CNTN5: variants seen among roughly 807,000 people sequenced by gnomAD.
CNTN5 encodes the protein contactin-5.
A neutral mutation model predicts 129.1 loss-of-function variants in CNTN5; 77 were observed. The observed-to-expected ratio is 0.60, with a 90% CI of 0.50 to 0.72. CNTN5 has a LOEUF of 0.72. CNTN5 is among the 30% of genes least tolerant of loss of function. The pLI is 0.00. For missense variants in CNTN5, 1,478 were observed against 1,328.8 expected (o/e 1.11, Z -1.75); for synonymous variants, 509 against 465.6 (o/e 1.09, Z -1.20).
intron 3 of CNTN5, among the ~76,000 whole-genome samples, chr11:99,714,853 G>A (rs200377760): frequency 9.4e-5 from 14 of 148,218 alleles, no homozygotes; most frequent in South Asian, 2.1e-4. Context: ...AGCTCATGTG[G>A]AAAAAAAAAA....
chr11:100,097,842 G>C (rs549084514), intron 13 of CNTN5, among the ~76,000 whole-genome samples: 1 of 152,066 alleles, frequency 6.6e-6, no homozygotes, highest in African/African-American at 2.4e-5. Flanking sequence ...AATGCATATT[G>C]TATATTGGAG....
At chr11:99,094,116 G>T (rs949496500) in intron 1 of CNTN5, among the ~76,000 whole-genome samples, 2 of 151,900 alleles carry the variant, frequency 1.3e-5, no homozygotes, top group African/African-American at 4.8e-5. Context: ...CATTAAGACT[G>T]GGTCTTTTGT....
At chr11:100,285,827 C>A (rs1950770916) in intron 18 of CNTN5, among the ~76,000 whole-genome samples, 1 of 152,188 alleles carries the variant, frequency 6.6e-6, no homozygotes, top group African/African-American at 2.4e-5. Flanking sequence ...GTGATTTCTG[C>A]ATTTCCATCT....
intron 1 of CNTN5, among the ~76,000 whole-genome samples, chr11:99,160,118 C>A (rs1196567893): frequency 1.3e-5 from 2 of 152,146 alleles, no homozygotes; most frequent in East Asian, 3.9e-4. Context: ...CTTGGTTATT[C>A]TGACGTTGAG....
chr11:99,827,260 G>C (rs1946992375), intron 4 of CNTN5, among the ~76,000 whole-genome samples: 1 of 151,934 alleles, frequency 6.6e-6, no homozygotes, highest in Non-Finnish European at 1.5e-5. Flanking sequence ...GCTAATTTTT[G>C]TGTTTTTTGG....
At chr11:99,177,713 A>G (rs1272432065) in intron 1 of CNTN5, among the ~76,000 whole-genome samples, 1 of 152,224 alleles carries the variant, frequency 6.6e-6, no homozygotes, top group African/African-American at 2.4e-5. Context: ...AAAAATGTAT[A>G]TATGAAAAGT....
At chr11:99,486,545 T>G (rs1945819956) in intron 2 of CNTN5, among the ~76,000 whole-genome samples, 1 of 152,150 alleles carries the variant, frequency 6.6e-6, no homozygotes, top group Non-Finnish European at 1.5e-5. Context: ...TAAATTAGTG[T>G]GAGTAAATGA....
intron 2 of CNTN5, among the ~76,000 whole-genome samples, chr11:99,353,114 C>T (rs951904131): frequency 6.6e-6 from 1 of 152,128 alleles, no homozygotes; most frequent in Non-Finnish European, 1.5e-5. Context: ...CCCTTTCAGA[C>T]AGGGAAATAG....
intron 13 of CNTN5, among the ~76,000 whole-genome samples, chr11:100,187,358 A>G (rs986806187): frequency 6.6e-6 from 1 of 151,700 alleles, no homozygotes; most frequent in Non-Finnish European, 1.5e-5. Flanking sequence ...TAAAATGGCC[A>G]TACTTCCCAA....
At chr11:99,148,137 A>G (rs912607002) in intron 1 of CNTN5, among the ~76,000 whole-genome samples, 8 of 152,132 alleles carry the variant, frequency 5.3e-5, no homozygotes, top group Non-Finnish European at 4.4e-5. Flanking sequence ...TTGTAAATAT[A>G]TTCATATTTG....
chr11:99,546,469 A>C (rs576321158), intron 2 of CNTN5, among the ~76,000 whole-genome samples: 8 of 152,116 alleles, frequency 5.3e-5, no homozygotes, highest in African/African-American at 1.9e-4. Flanking sequence ...AAATTGAGAG[A>C]GGAAACTTTA....
At chr11:99,116,634 A>G (rs576380759) in intron 1 of CNTN5, among the ~76,000 whole-genome samples, 16 of 152,296 alleles carry the variant, frequency 1.1e-4, no homozygotes, top group African/African-American at 3.8e-4. Flanking sequence ...ATAAAAAGAT[A>G]TTGAATGAGT....
At chr11:99,987,862 T>G (rs965050257) in intron 8 of CNTN5, among the ~76,000 whole-genome samples, 1 of 152,214 alleles carries the variant, frequency 6.6e-6, no homozygotes, top group African/African-American at 2.4e-5. Context: ...AGTTTTCTAT[T>G]ATTTAAAATA....
chr11:99,921,450 C>A (rs1949936958), intron 7 of CNTN5, among the ~76,000 whole-genome samples: 1 of 152,200 alleles, frequency 6.6e-6, no homozygotes, highest in African/African-American at 2.4e-5. Context: ...CCATATCTTT[C>A]TTTAAATATC....
At chr11:100,163,267 T>C in intron 13 of CNTN5, among the ~76,000 whole-genome samples, 1 of 151,832 alleles carries the variant, frequency 6.6e-6, no homozygotes, top group Non-Finnish European at 1.5e-5. Flanking sequence ...AGTCTCATTA[T>C]AAAAATTATT....
intron 3 of CNTN5, among the ~76,000 whole-genome samples, chr11:99,704,812 A>G (rs980996170): frequency 2.0e-5 from 3 of 151,374 alleles, no homozygotes; most frequent in South Asian, 4.1e-4. Flanking sequence ...AAAAAATGCG[A>G]AAGTTATCCC....
intron 16 of CNTN5, among the ~76,000 whole-genome samples, chr11:100,248,062 G>A (rs1949885428): frequency 1.3e-5 from 2 of 152,220 alleles, no homozygotes; most frequent in South Asian, 4.1e-4. Context: ...TTTCTCCAGA[G>A]CATATTCCTG....
intron 2 of CNTN5, among the ~76,000 whole-genome samples, chr11:99,328,359 T>C (rs1053532625): frequency 1.3e-5 from 2 of 152,162 alleles, no homozygotes; most frequent in Non-Finnish European, 2.9e-5. Context: ...ATGAAAAGCG[T>C]AATTTCTTAT....
intron 7 of CNTN5, among the ~76,000 whole-genome samples, chr11:99,947,168 T>C (rs7934263): frequency 0.4 from 59,840 of 151,148 alleles, 11,954 homozygotes; most frequent in East Asian, 0.46. Context: ...TTAATAGTTT[T>C]TGTACTATTT....
Sources: gnomAD v4.1 joint callset for allele counts (sites outside exome capture counted in the v4.1 genomes callset) on GRCh38, gnomAD v4.1.1 for gene constraint, MANE v1.5 for transcripts, NCBI Gene and HGNC (gene_info 2026-07-23, HGNC 2026-07-21) for gene names.